Variants in KRT40 observed in about 807,000 individuals in gnomAD.
KRT40 encodes the protein keratin 40, also known as keratin, type I cytoskeletal 40.
A neutral mutation model predicts 43.5 loss-of-function variants in KRT40; 47 were observed. The ratio of observed to expected loss-of-function variants is 1.08; its 90% CI spans 0.86 to 1.38. The LOEUF is 1.38. Among genes scored for constraint, KRT40 ranks in the 40% most tolerant of loss-of-function variants. The probability of loss-of-function intolerance (pLI) is 0.00; values close to 1 mark genes in which losing one functional copy is unlikely to be tolerated. For synonymous variants in KRT40, 212 were observed against 214.0 expected (o/e 0.99, Z 0.08); for missense variants, 573 against 523.6 (o/e 1.09, Z -0.92).
upstream of KRT40, among the ~76,000 whole-genome samples, chr17:40,985,752 G>A (rs1266917624): frequency 3.3e-5 from 5 of 152,062 alleles, no homozygotes; most frequent in Non-Finnish European, 4.4e-5. Flanking sequence ...GTATATTGAC[G>A]CTGCTCTGCA....
intron 2 of KRT40, 124 bp from the exon 3 acceptor site, chr17:40,982,587 G>C (rs1912231221): frequency 1.5e-6 from 1 of 654,698 alleles, no homozygotes; most frequent in Non-Finnish European, 2.3e-6. Context: ...TAATTCCTAA[G>C]TAATGATAAA....
At chr17:40,982,280 C>G (rs1185706311) in intron 3 of KRT40, 27 bp downstream of exon 3, 8 of 1,518,474 alleles carry the variant, frequency 5.3e-6, no homozygotes, top group African/African-American at 1.4e-5. Context: ...TCTCGGAGTC[C>G]TTCAGCGGAG....
At chr17:40,986,957 A>C (rs1305467915), upstream of KRT40, 1 of 152,160 alleles carries the variant, frequency 6.6e-6, no homozygotes, top group Non-Finnish European at 1.5e-5. Flanking sequence ...CTGTCTCACA[A>C]ACCCTAAGCT....
rs146168783 is a variant in KRT40 at position 40,980,695 on chromosome 17, G to A, written c.975+90C>T. The A allele has an allele frequency of 1.0e-4, 151 of 1,475,076 alleles. 1 individual carries two copies. The East Asian group carries it at 3.3e-3, about 32-fold the overall frequency. 91.4% of individuals were successfully genotyped at this position (1,475,076 alleles called of 1,614,324 possible). On this transcript the variant is annotated intron_variant, in intron 5 of 6. Transcript: ENST00000377755. Reference sequence around the variant, plus strand: ...AACGGCAGTACTCGGGAAAGGCAAGGAAATGTGATCCTCGGATATGGAAGA... The same window carrying A: ...AACGGCAGTACTCGGGAAAGGCAAGAAAATGTGATCCTCGGATATGGAAGA...
At chr17:40,979,760 G>A (rs1244427329) in intron 5 of KRT40, among the ~76,000 whole-genome samples, 1 of 152,154 alleles carries the variant, frequency 6.6e-6, no homozygotes, top group Non-Finnish European at 1.5e-5. Flanking sequence ...GTGGTAAGGG[G>A]ATGAAGAGAG....
In KRT40 at chr17:40,978,245, C is replaced by A. The variant is rs371079150; in HGVS notation, c.1248G>T (p.Glu416Asp). The A allele has an allele frequency of 6.2e-7, 1 of 1,614,208 alleles. No homozygotes were observed. The highest frequency in any genetic ancestry group is 8.5e-7 in the Non-Finnish European group (1 of 1,180,038). The change falls in exon 7 of 7, where the codon GAG (glutamate) becomes GAT (aspartate). Residue 416 changes from glutamate to aspartate, a missense_variant. Physicochemically the swap from Glu to Asp is conservative, Grantham distance 45. Transcript: ENST00000377755. ...STTCTSSNTC[E>D]PCSAYVICTV... Reference sequence around the variant, plus strand: ...TGCAGATGACATAGGCTGAGCATGGCTCACAAGTGTTGCTCGAGGTGCATG... The same window carrying A: ...TGCAGATGACATAGGCTGAGCATGGATCACAAGTGTTGCTCGAGGTGCATG...
intron 1 of KRT40, 92 bp downstream of exon 1, chr17:40,983,735 T>C: frequency 1.5e-6 from 2 of 1,293,580 alleles, no homozygotes; most frequent in Non-Finnish European, 2.2e-6. Flanking sequence ...TCCTTTCCCT[T>C]GGTTTCCTTC....
chr17:40,981,653 T>C (rs913489309), intron 3 of KRT40, among the ~76,000 whole-genome samples: 13 of 152,178 alleles, frequency 8.5e-5, no homozygotes, highest in Non-Finnish European at 1.6e-4. Context: ...TCACAGTCTG[T>C]TCCTCAGCCT....
intron 1 of KRT40, 133 bp downstream of exon 1, chr17:40,983,694 C>G: frequency 1.2e-6 from 1 of 817,460 alleles, no homozygotes; most frequent in Non-Finnish European, 1.9e-6. Flanking sequence ...GTCCGGTGCT[C>G]TCCCCTATGT....
Position 40,977,968 on chromosome 17 carries a change from C to T in KRT40, c.*229G>A, listed in dbSNP as rs980774814. ...TTTACCACGCTAAAGGAATAAAACA[C>T]GTTTTATTTGGAGATGAGCAAGAAT... On this transcript the variant is annotated 3_prime_UTR_variant, in exon 7 of 7. Transcript: ENST00000377755. 6 of 472,430 alleles carry T rather than the reference C, an allele frequency of 1.3e-5. No homozygotes were observed. Among genetic ancestry groups the T allele is most frequent in the South Asian group, 3.7e-5 (1 of 27,176 alleles). The allele number at this position is 472,430 out of a possible 1,614,324, so 29.3% of individuals were successfully genotyped here.
At chr17:40,981,367 A>G (rs1458562237) in intron 3 of KRT40, 1 of 861,054 alleles carries the variant, frequency 1.2e-6, no homozygotes, top group Non-Finnish European at 1.9e-6. Flanking sequence ...CCAGAAAGTT[A>G]TTGTGAGATC....
At chr17:40,982,969 T>C (rs756582754) in intron 2 of KRT40, 77 bp downstream of exon 2, 3 of 666,282 alleles carry the variant, frequency 4.5e-6, no homozygotes, top group South Asian at 3.8e-5. Context: ...GATAGCACCA[T>C]TGAGCTCTAG....
chr17:40,978,366 G>A (rs1047381669), intron 6 of KRT40, 70 bp from the exon 7 acceptor site: 190 of 1,276,632 alleles, frequency 1.5e-4, no homozygotes, highest in Admixed American at 2.9e-4. Context: ...CAGAAAAACC[G>A]TGTCAAAATT....
chr17:40,982,313 A>G lies in KRT40; in HGVS notation c.681T>C (p.His227=). The change falls in exon 3 of 7, where the codon CAT becomes CAC. Residue 227 remains histidine, a synonymous_variant. Transcript: ENST00000377755. ...KEDLLCLKKN[H]EEEVNLLREQ... is the part of the protein sequence containing the mutation. Reference sequence around the variant, plus strand: ...GAGTTGCCACTTTCCTTACCTCTTCATGGTTTTTCTTAAGGCAAAGGAGAT... The same window carrying G: ...GAGTTGCCACTTTCCTTACCTCTTCGTGGTTTTTCTTAAGGCAAAGGAGAT... 1 of 1,574,090 alleles carries G rather than the reference A, an allele frequency of 6.4e-7. No individual in the cohort carries two copies. The highest frequency in any genetic ancestry group is 8.6e-7 in the Non-Finnish European group (1 of 1,164,046).
chr17:40,986,246 T>C (rs990011481), upstream of KRT40: 16 of 141,796 alleles, frequency 1.1e-4, no homozygotes, highest in African/African-American at 4.7e-4. Context: ...GATAAATAAA[T>C]AAAAAAAACC....
At chr17:40,985,920 G>A (rs539516630), upstream of KRT40, among the ~76,000 whole-genome samples, 91 of 152,326 alleles carry the variant, frequency 6.0e-4, 1 homozygote, top group South Asian at 7.0e-3. Context: ...TAGCTAAAAT[G>A]CAGTCATGTA....
At chr17:40,985,462 T>A (rs564317144), upstream of KRT40, among the ~76,000 whole-genome samples, 1 of 152,168 alleles carries the variant, frequency 6.6e-6, no homozygotes, top group Non-Finnish European at 1.5e-5. Context: ...GAGAAAATTG[T>A]CTCTAGAATT....
Position 40,984,062 on chromosome 17 carries a change from G to A in KRT40, c.212C>T (p.Pro71Leu), listed in dbSNP as rs1245435208. ...CCAGGCACAGTTCCCCACCAAGCAGGGACTATTACAACTCCCAGTAAAGTA... is the reference window on the plus strand; with the variant it reads ...CCAGGCACAGTTCCCCACCAAGCAGAGACTATTACAACTCCCAGTAAAGTA... ...PCYFTGSCNS[P>L]CLVGNCAWCE... Residue 71 changes from proline to leucine, a missense_variant, in exon 1 of 7, where the codon CCC (proline) becomes CTC (leucine). Pro to Leu is a moderately conservative substitution (Grantham distance 98). Transcript: ENST00000377755. The A allele has an allele frequency of 6.2e-7, 1 of 1,613,896 alleles. No individual in the cohort carries two copies. The highest frequency in any genetic ancestry group is 1.3e-5 in the African/African-American group (1 of 74,860).
intron 5 of KRT40, among the ~76,000 whole-genome samples, chr17:40,980,497 A>G (rs2143671517): frequency 6.6e-6 from 1 of 152,222 alleles, no homozygotes; most frequent in South Asian, 2.1e-4. Flanking sequence ...GAGAATTAAA[A>G]CCTGCCAGAA....
Sources: gnomAD v4.1 joint callset for allele counts (sites outside exome capture counted in the v4.1 genomes callset) on GRCh38, gnomAD v4.1.1 for gene constraint, MANE v1.5 for transcripts, NCBI Gene and HGNC (gene_info 2026-07-23, HGNC 2026-07-21) for gene names.